ITGAV: variants seen among roughly 807,000 people sequenced by gnomAD.
ITGAV encodes the protein integrin subunit alpha V.
A neutral mutation model predicts 143.8 loss-of-function variants in ITGAV; 76 were observed. The observed-to-expected ratio is 0.53, with a 90% CI of 0.44 to 0.64. ITGAV has a LOEUF of 0.64. ITGAV is among the 30% of genes least tolerant of loss of function. The pLI is 0.00. For synonymous variants in ITGAV, 453 were observed against 446.7 expected, an observed-to-expected ratio of 1.01 and a Z score of -0.18; for missense variants, 1,193 against 1,274.7, an observed-to-expected ratio of 0.94 and a Z score of 0.98.
intron 2 of ITGAV, among the ~76,000 whole-genome samples, chr2:186,614,844 T>G (rs1431166044): frequency 6.6e-6 from 1 of 152,042 alleles, no homozygotes; most frequent in Non-Finnish European, 1.5e-5. Flanking sequence ...TCTGTCCTTT[T>G]TAAAAACAGT....
chr2:186,609,095 TAAG>T (rs1687144859), intron 2 of ITGAV, among the ~76,000 whole-genome samples: 1 of 152,140 alleles, frequency 6.6e-6, no homozygotes, highest in African/African-American at 2.4e-5. Context: ...CTTACACAAC[TAAG>T]AAGATTATGA....
intron 17 of ITGAV, among the ~76,000 whole-genome samples, chr2:186,657,624 T>G (rs1208181357): frequency 6.6e-6 from 1 of 152,042 alleles, no homozygotes; most frequent in Non-Finnish European, 1.5e-5. Flanking sequence ...TTAATTTAAA[T>G]GAAAGTTAAG....
rs1415908120 is a variant in ITGAV at position 186,622,475 on chromosome 2, A to G, written c.408+45A>G. The G allele has an allele frequency of 6.5e-6, 8 of 1,222,918 alleles. No individual in the cohort carries two copies. The Admixed American group carries it at 8.5e-5, about 13-fold the overall frequency. 75.8% of individuals were successfully genotyped at this position (1,222,918 alleles called of 1,614,324 possible). A position where few individuals can be genotyped will look rare whatever the true frequency, so the allele number is the denominator to read the frequency against. On this transcript the variant is annotated intron_variant, in intron 3 of 29. Transcript: ENST00000261023. ...ACTTACAGGTGATTTTAGTCAGTTTATGTGGAGACACAGAAGGTTTTATAT... is the reference window on the plus strand; with the variant it reads ...ACTTACAGGTGATTTTAGTCAGTTTGTGTGGAGACACAGAAGGTTTTATAT...
At chr2:186,660,222 C>T (rs1396481219) in intron 18 of ITGAV, among the ~76,000 whole-genome samples, 2 of 151,844 alleles carry the variant, frequency 1.3e-5, no homozygotes, top group African/African-American at 4.8e-5. Flanking sequence ...TTCCAAACTC[C>T]CCATCCAATT....
chr2:186,643,339 A>C (rs1186816467), intron 12 of ITGAV, among the ~76,000 whole-genome samples: 3 of 152,232 alleles, frequency 2.0e-5, no homozygotes, highest in African/African-American at 7.2e-5. Context: ...AAAATCATCC[A>C]TAGAGGATGA....
chr2:186,591,394 A>G (rs3768777), intron 1 of ITGAV, among the ~76,000 whole-genome samples: 96,982 of 151,892 alleles, frequency 0.64, 31,256 homozygotes, highest in East Asian at 0.8. Flanking sequence ...CCCCACCCCC[A>G]TGTTAGCGTT....
At chr2:186,603,446 A>G (rs1686969094) in intron 2 of ITGAV, among the ~76,000 whole-genome samples, 1 of 151,694 alleles carries the variant, frequency 6.6e-6, no homozygotes, top group Admixed American at 6.6e-5. Context: ...TCACATGCAC[A>G]TGTTTTCAGG....
rs1687814927 is a variant in ITGAV, at chr2:186,631,542, TGAATATCAAATTGA to T, written c.585+691_585+704del. Among the ~76,000 whole-genome samples, 3 of 152,304 alleles carry T rather than the reference TGAATATCAAATTGA, an allele frequency of 2.0e-5. No homozygotes were observed. In the South Asian group the frequency reaches 6.2e-4, roughly 32 times the overall value. ...TGGTGGTGGGGGAGTATGCACATTT[TGAATATCAAATTGA>T]GAATATTCTTTCTAGAGAAGTCTAA... On this transcript the variant is annotated intron_variant, in intron 5 of 29. Transcript: ENST00000261023.
chr2:186,643,858 G>A (rs181669727), intron 12 of ITGAV, among the ~76,000 whole-genome samples: 51 of 152,304 alleles, frequency 3.3e-4, no homozygotes, highest in African/African-American at 1.1e-3. Context: ...ATAATGAAAC[G>A]TTTAGGAAAG....
chr2:186,619,826 ACT>A (rs1687473208), intron 2 of ITGAV, among the ~76,000 whole-genome samples: 1 of 152,132 alleles, frequency 6.6e-6, no homozygotes, highest in East Asian at 1.9e-4. Flanking sequence ...CCCTGTCTCT[ACT>A]GAAAGTACAA....
At chr2:186,658,400 G>C (rs1354598513) in intron 17 of ITGAV, among the ~76,000 whole-genome samples, 1 of 152,158 alleles carries the variant, frequency 6.6e-6, no homozygotes, top group African/African-American at 2.4e-5. Context: ...GCGGACGGCA[G>C]TGTGAATTGT....
intron 3 of ITGAV, among the ~76,000 whole-genome samples, chr2:186,625,152 G>A (rs994101932): frequency 1.3e-5 from 2 of 152,042 alleles, no homozygotes; most frequent in African/African-American, 4.8e-5. Flanking sequence ...GAGGCAGGAG[G>A]ATTGCTTGAG....
chr2:186,600,464 G>A lies in ITGAV; in HGVS notation c.186-1557G>A, dbSNP rs559308599. The A allele has an allele frequency of 8.6e-6, 13 of 1,515,290 alleles. No homozygotes were observed. The South Asian group carries it at 1.2e-4, about 14-fold the overall frequency. The allele number at this position is 1,515,290 out of a possible 1,614,324, so 93.9% of individuals were successfully genotyped here. Reference sequence around the variant, plus strand: ...CCATTCTTTAAAGATGATTTCCTTAGAGAGACTTTCCTTTACCTAGAGGAA... The same window carrying A: ...CCATTCTTTAAAGATGATTTCCTTAAAGAGACTTTCCTTTACCTAGAGGAA... On this transcript the variant is annotated intron_variant, in intron 1 of 29. Transcript: ENST00000261023.
intron 2 of ITGAV, among the ~76,000 whole-genome samples, chr2:186,617,852 C>T (rs1160590559): frequency 6.6e-6 from 1 of 152,034 alleles, no homozygotes; most frequent in African/African-American, 2.4e-5. Context: ...TCTTTCTATT[C>T]TTGGCTGTTG....
chr2:186,643,504 A>G (rs1294662369), intron 12 of ITGAV, among the ~76,000 whole-genome samples: 3 of 152,188 alleles, frequency 2.0e-5, no homozygotes, highest in East Asian at 1.9e-4. Context: ...TATATGTTCT[A>G]TTAGTTATGT....
intron 29 of ITGAV, 54 bp downstream of exon 29, chr2:186,676,989 G>A: frequency 1.3e-6 from 2 of 1,564,694 alleles, no homozygotes; most frequent in Non-Finnish European, 1.8e-6. Flanking sequence ...AAAAGGGAAA[G>A]GGAAGAAGGA....
Position 186,677,660 on chromosome 2 carries a change from G to A in ITGAV, c.*368G>A, listed in dbSNP as rs202208877. On this transcript the variant is annotated 3_prime_UTR_variant, in exon 30 of 30. Transcript: ENST00000261023. ...TTTATTTGTTGTTGTTGTTGTTGTT[G>A]TTGTTGTTGTTTTAAAGCAGTCCAA... The A allele has an allele frequency of 2.2e-5, 4 of 181,250 alleles. No homozygotes were observed. Among genetic ancestry groups the A allele is most frequent in the Non-Finnish European group, 4.7e-5 (4 of 85,556 alleles). 11.2% of individuals were successfully genotyped at this position (181,250 alleles called of 1,614,324 possible). A position where few individuals can be genotyped will look rare whatever the true frequency, so the allele number is the denominator to read the frequency against.
chr2:186,633,271 AT>A, intron 5 of ITGAV, 57 bp from the exon 6 acceptor site: 1 of 1,071,168 alleles, frequency 9.3e-7, no homozygotes. Context: ...ATTGATTTCT[AT>A]TTTGAGAGAT....
intron 21 of ITGAV, among the ~76,000 whole-genome samples, chr2:186,665,820 C>T (rs1240515395): frequency 6.6e-6 from 1 of 152,170 alleles, no homozygotes; most frequent in African/African-American, 2.4e-5. Flanking sequence ...CTTATTGATA[C>T]TGGTACTTTG....
Sources: allele counts gnomAD v4.1 joint callset (sites outside exome capture counted in the v4.1 genomes callset), GRCh38; gene constraint gnomAD v4.1.1; transcripts MANE v1.5; gene names NCBI Gene and HGNC (gene_info 2026-07-23, HGNC 2026-07-21).